MEGF10: variants seen among roughly 807,000 people sequenced by gnomAD.
MEGF10 encodes the protein multiple epidermal growth factor-like domains protein 10.
A neutral mutation model predicts 147.5 loss-of-function variants in MEGF10; 86 were observed. That is an observed-to-expected ratio of 0.58 (90% CI 0.49 to 0.70). The LOEUF (loss-of-function observed/expected upper bound fraction) is 0.70, where lower values mean the gene tolerates loss of function less well. MEGF10 is among the 30% of genes least tolerant of loss of function. The pLI, the probability that MEGF10 is intolerant of heterozygous loss-of-function variation, is 0.00. For missense variants in MEGF10, 1,329 were observed against 1,487.3 expected (o/e 0.89, Z 1.75); for synonymous variants, 478 against 525.5 (o/e 0.91, Z 1.24).
the MEGF10 span, among the ~76,000 whole-genome samples, chr5:127,231,892 C>T: frequency 0.46 from 70,589 of 152,030 alleles, 16,760 homozygotes; most frequent in Middle Eastern, 0.56. Context: ...GACTGAGAAG[C>T]GTGGGAAGGG....
chr5:127,347,217 G>A (rs1053383075), intron 4 of MEGF10, among the ~76,000 whole-genome samples: 2 of 152,040 alleles, frequency 1.3e-5, no homozygotes, highest in African/African-American at 4.8e-5. Flanking sequence ...ATATATGTGT[G>A]TGTGTACATA....
At position 127,417,805 on chromosome 5, in the gene MEGF10, G is replaced by C; in HGVS notation, c.1298G>C (p.Gly433Ala). 6.2e-7 allele frequency: 1 copy of C among 1,613,794 alleles called. No individual in the cohort carries two copies. Among genetic ancestry groups the C allele is most frequent in the Non-Finnish European group, 8.5e-7 (1 of 1,179,968 alleles). The part of the protein sequence containing the change: ...SVTGKCTCAP[G>A]FKGIDCSTPC... ...ACTGGAAAGTGCACCTGTGCCCCAG[G>C]ATTCAAAGTGAGTGACTAGGGCTCT... Residue 433 changes from glycine to alanine, a missense_variant, in exon 10 of 25, where the codon GGA (glycine) becomes GCA (alanine). Physicochemically the swap from Gly to Ala is moderately conservative, Grantham distance 60 (BLOSUM62 0). Around this residue, in one of 3 missense-constraint regions of MEGF10, gnomAD observed 980 missense variants for 1,085.9 expected, o/e 0.90. Coordinates refer to ENST00000503335, the MANE Select transcript of MEGF10 (RefSeq NM_001256545.2).
chr5:127,426,922 C>A (rs902615064), intron 13 of MEGF10, among the ~76,000 whole-genome samples: 1 of 152,216 alleles, frequency 6.6e-6, no homozygotes, highest in African/African-American at 2.4e-5. Flanking sequence ...ACTCTTCGAA[C>A]TTGCATATTC....
chr5:127,288,137 T>G (rs1271885338), upstream of MEGF10, among the ~76,000 whole-genome samples: 1 of 152,064 alleles, frequency 6.6e-6, no homozygotes, highest in African/African-American at 2.4e-5. Context: ...CAGCTAAAAC[T>G]ATAAACTTCT....
chr5:127,326,806 C>T (rs1207646029), intron 1 of MEGF10, among the ~76,000 whole-genome samples: 1 of 152,072 alleles, frequency 6.6e-6, no homozygotes, highest in Non-Finnish European at 1.5e-5. Context: ...ATGTGAGTAG[C>T]AGAAAATGAG....
At chr5:127,330,379 C>G (rs561812423) in intron 1 of MEGF10, among the ~76,000 whole-genome samples, 1 of 152,108 alleles carries the variant, frequency 6.6e-6, no homozygotes, top group African/African-American at 2.4e-5. Context: ...TGCGACTCAC[C>G]CTCTGTCTCT....
At chr5:127,448,115 G>A (rs945261786) in intron 21 of MEGF10, among the ~76,000 whole-genome samples, 4 of 152,222 alleles carry the variant, frequency 2.6e-5, no homozygotes, top group African/African-American at 7.2e-5. Context: ...CTGACCGCCC[G>A]TCCTCCAGTA....
chr5:127,452,091 G>A (rs1341206678), intron 22 of MEGF10, among the ~76,000 whole-genome samples: 2 of 152,180 alleles, frequency 1.3e-5, no homozygotes, highest in East Asian at 1.9e-4. Context: ...AGGGATGGGT[G>A]TATATAGGAG....
chr5:127,238,684 A>G, the MEGF10 span, among the ~76,000 whole-genome samples: 1 of 152,034 alleles, frequency 6.6e-6, no homozygotes, highest in African/African-American at 2.4e-5. Flanking sequence ...CTAATTCCCA[A>G]ACTTACTAAT....
At chr5:127,392,813 C>T (rs994756212) in intron 5 of MEGF10, among the ~76,000 whole-genome samples, 2 of 152,106 alleles carry the variant, frequency 1.3e-5, no homozygotes, top group Non-Finnish European at 2.9e-5. Context: ...ATATGTAATC[C>T]AAGTAGTACC....
chr5:127,235,479 GTTTACCTAGTTTGGACTAGTTGT>G, the MEGF10 span, among the ~76,000 whole-genome samples: 3 of 152,094 alleles, frequency 2.0e-5, no homozygotes, highest in Non-Finnish European at 4.4e-5. Flanking sequence ...TACCCCTTAG[GTTTACCTAGTTTGGACTAGTTGT>G]TTTTAGCTAT....
chr5:127,336,684 C>T (rs542399614), intron 2 of MEGF10, among the ~76,000 whole-genome samples: 1 of 152,138 alleles, frequency 6.6e-6, no homozygotes, highest in South Asian at 2.1e-4. Flanking sequence ...CATAACATGG[C>T]CTTTGAAATT....
rs1039265527 is a variant in MEGF10, at chr5:127,369,835, A to G, written c.320-75A>G. 56 of 1,128,880 alleles carry G rather than the reference A, an allele frequency of 5.0e-5. No homozygotes were observed. The Middle Eastern group carries it at 6.1e-4, about 12-fold the overall frequency. The allele number at this position is 1,128,880 out of a possible 1,614,324, so 69.9% of individuals were successfully genotyped here. A position where few individuals can be genotyped will look rare whatever the true frequency, so the allele number is the denominator to read the frequency against. On this transcript the variant is annotated intron_variant, in intron 4 of 24. Transcript: ENST00000503335. ...TTTTTAAGTGATACTTGAGACTTGGATGTGCAACAGCTGTGTTGTTGGCTT... is the reference window on the plus strand; with the variant it reads ...TTTTTAAGTGATACTTGAGACTTGGGTGTGCAACAGCTGTGTTGTTGGCTT...
chr5:127,262,355 C>T, the MEGF10 span, among the ~76,000 whole-genome samples: 1 of 152,132 alleles, frequency 6.6e-6, no homozygotes, highest in Non-Finnish European at 1.5e-5. Flanking sequence ...CAGCACTTCC[C>T]TTTAATCTTG....
chr5:127,235,978 CT>C, the MEGF10 span, among the ~76,000 whole-genome samples: 75,424 of 148,004 alleles, frequency 0.51, 19,115 homozygotes, highest in Middle Eastern at 0.6. Context: ...GGTCGGCAAA[CT>C]TTTTTTTTTT....
intron 4 of MEGF10, among the ~76,000 whole-genome samples, chr5:127,355,404 G>C (rs1319261279): frequency 6.6e-6 from 1 of 152,096 alleles, no homozygotes; most frequent in African/African-American, 2.4e-5. Context: ...TAGTCAAAGA[G>C]AGCCTGACTG....
At chr5:127,436,743 C>T (rs1338258321) in intron 16 of MEGF10, among the ~76,000 whole-genome samples, 1 of 152,176 alleles carries the variant, frequency 6.6e-6, no homozygotes, top group Non-Finnish European at 1.5e-5. Flanking sequence ...AATAATCACT[C>T]CACAGGAAGC....
the MEGF10 span, among the ~76,000 whole-genome samples, chr5:127,257,483 C>A: frequency 6.6e-6 from 1 of 152,064 alleles, no homozygotes. Context: ...AAGAACTCAG[C>A]ATGACAAGCG....
At chr5:127,449,982 T>TA (rs141337849) in intron 22 of MEGF10, among the ~76,000 whole-genome samples, 7 of 152,052 alleles carry the variant, frequency 4.6e-5, no homozygotes, top group African/African-American at 9.7e-5. Flanking sequence ...GTGTTTTTAT[T>TA]AAAAAAAACT....
Sources: gnomAD v4.1 joint callset for allele counts (sites outside exome capture counted in the v4.1 genomes callset) on GRCh38, gnomAD v4.1.1 for gene constraint, gnomAD v4.1.1 regional missense constraint, MANE v1.5 for transcripts, NCBI Gene and HGNC (gene_info 2026-07-23, HGNC 2026-07-21) for gene names.